Variants in ABCA13 observed in about 807,000 individuals in gnomAD.
The protein encoded by ABCA13 is ATP-binding cassette sub-family A member 13.
Under a neutral mutation model 478.7 loss-of-function variants are expected in ABCA13, and 476 were observed. That is an observed-to-expected ratio of 0.99 (90% CI 0.92 to 1.07). ABCA13 has a LOEUF of 1.07. Ranked by LOEUF, ABCA13 falls within the 50% of genes least tolerant of loss-of-function variation. The pLI, the probability that ABCA13 is intolerant of heterozygous loss-of-function variation, is 0.00. For missense variants in ABCA13, 6,060 were observed against 5,910.6 expected, an observed-to-expected ratio of 1.03 and a Z score of -0.83; for synonymous variants, 2,252 against 2,158.9, an observed-to-expected ratio of 1.04 and a Z score of -1.20.
At chr7:48,414,290 GAA>G (rs1819660657) in intron 41 of ABCA13, among the ~76,000 whole-genome samples, 1 of 152,004 alleles carries the variant, frequency 6.6e-6, no homozygotes, top group South Asian at 2.1e-4. Flanking sequence ...ACTGCACTCT[GAA>G]GCTTTTCTTC....
chr7:48,230,712 CATCT>C (rs1788928338), intron 7 of ABCA13, among the ~76,000 whole-genome samples: 1 of 151,792 alleles, frequency 6.6e-6, no homozygotes, highest in African/African-American at 2.4e-5. Flanking sequence ...TTAATCCATC[CATCT>C]ATCCATCTAT....
intron 27 of ABCA13, among the ~76,000 whole-genome samples, chr7:48,318,357 G>GT (rs968386353): frequency 1.3e-5 from 2 of 151,862 alleles, no homozygotes; most frequent in Admixed American, 6.6e-5. Context: ...GTTTTGTTTT[G>GT]TTTTTTGGAG....
intron 8 of ABCA13, 109 bp downstream of exon 8, chr7:48,234,260 A>G (rs1426151276): frequency 6.5e-7 from 1 of 1,527,028 alleles, no homozygotes; most frequent in African/African-American, 1.4e-5. Context: ...GCAGCCAGAC[A>G]GGAGAGTTCG....
At position 48,374,426 on chromosome 7, in the gene ABCA13, T is replaced by C; in HGVS notation, c.11203+10T>C. 1 of 1,604,134 alleles carries C rather than the reference T, an allele frequency of 6.2e-7. No homozygotes were observed. ...GAAGGACAAGAGACAGGTAAGAGCA[T>C]GCATGTGTAAAAAGTGACTCTCAGT... On this transcript the variant is annotated intron_variant, in intron 34 of 61. Coordinates refer to ENST00000435803, the MANE Select transcript of ABCA13 (RefSeq NM_152701.5).
intron 55 of ABCA13, 82 bp downstream of exon 55, chr7:48,528,427 G>T: frequency 3.1e-6 from 3 of 967,022 alleles, no homozygotes; most frequent in East Asian, 2.9e-5. Context: ...TCAGTCCCGT[G>T]GAATAAAATT....
intron 35 of ABCA13, among the ~76,000 whole-genome samples, chr7:48,382,031 T>G (rs963801886): frequency 3.9e-5 from 6 of 152,218 alleles, no homozygotes; most frequent in Non-Finnish European, 7.3e-5. Flanking sequence ...AGATTATGGC[T>G]GAGATGGTTT....
intron 55 of ABCA13, among the ~76,000 whole-genome samples, chr7:48,543,225 A>G (rs1009381844): frequency 4.0e-5 from 6 of 151,880 alleles, no homozygotes; most frequent in Non-Finnish European, 7.4e-5. Context: ...GTAAGTCGAA[A>G]CATTAAAATT....
At chr7:48,541,999 G>A (rs542488173) in intron 55 of ABCA13, among the ~76,000 whole-genome samples, 69 of 151,238 alleles carry the variant, frequency 4.6e-4, no homozygotes, top group African/African-American at 1.5e-3. Flanking sequence ...GTATAAATAC[G>A]TTAACATTTA....
chr7:48,179,021 T>C (rs973849115), intron 1 of ABCA13, among the ~76,000 whole-genome samples: 1 of 139,236 alleles, frequency 7.2e-6, no homozygotes, highest in Non-Finnish European at 1.6e-5. Context: ...ATAATAATAA[T>C]AAAAACAAAG....
Position 48,534,836 on chromosome 7 carries a change from G to A in ABCA13, c.14354+6491G>A, listed in dbSNP as rs186335649. Among the ~76,000 whole-genome samples, 347 of 152,224 alleles carry A rather than the reference G, an allele frequency of 2.3e-3. 2 individuals are homozygous for A. Among genetic ancestry groups the A allele is most frequent in the African/African-American group, 7.9e-3 (330 of 41,544 alleles). ...CAGTGCGTGTTGCATTTCTCTAAGT[G>A]TGCCTTGATTTCCAGAAGTTGTGAT... On this transcript the variant is annotated intron_variant, in intron 55 of 61. Transcript: ENST00000435803.
intron 55 of ABCA13, among the ~76,000 whole-genome samples, chr7:48,567,695 T>C (rs960700990): frequency 2.0e-5 from 3 of 151,986 alleles, no homozygotes; most frequent in African/African-American, 7.2e-5. Context: ...GAGAGAGACC[T>C]TTGGCAGACC....
intron 29 of ABCA13, among the ~76,000 whole-genome samples, chr7:48,349,585 C>T (rs146579735): frequency 6.6e-6 from 1 of 152,154 alleles, no homozygotes; most frequent in African/African-American, 2.4e-5. Flanking sequence ...GGGCTGGGTG[C>T]CAAGCAAGCA....
intron 3 of ABCA13, among the ~76,000 whole-genome samples, chr7:48,208,151 G>T (rs761757629): frequency 6.6e-6 from 1 of 152,000 alleles, no homozygotes; most frequent in Non-Finnish European, 1.5e-5. Flanking sequence ...ATTGGTCTAT[G>T]TGTCTGTTTT....
At position 48,279,347 on chromosome 7, in the gene ABCA13, CT is replaced by C; in HGVS notation, c.8159del (p.Leu2720TrpfsTer12). 6.3e-7 allele frequency: 1 copy of C among 1,586,256 alleles called. No individual in the cohort carries two copies. Among genetic ancestry groups the C allele is most frequent in the Non-Finnish European group, 8.6e-7 (1 of 1,163,972 alleles). Reference sequence around the variant, plus strand: ...TGGGAAATAATTCATGAAGTGATCCCTTTTTTGGATAAAATATTATCACAAA... The same window carrying C: ...TGGGAAATAATTCATGAAGTGATCCCTTTTTGGATAAAATATTATCACAAA... ...IKWEIIHEVI[P>X]FLDKILSQNS... On this transcript the variant is annotated frameshift_variant, in exon 18 of 62. Coordinates refer to ENST00000435803, the MANE Select transcript of ABCA13 (RefSeq NM_152701.5). LOFTEE classifies it high-confidence loss of function.
intron 3 of ABCA13, among the ~76,000 whole-genome samples, chr7:48,214,043 T>G (rs1229742647): frequency 2.0e-5 from 3 of 152,340 alleles, no homozygotes; most frequent in Middle Eastern, 6.8e-3. Context: ...TGAAATTCAT[T>G]TCTTAAATAA....
At chr7:48,423,068 G>C (rs146886381) in intron 41 of ABCA13, among the ~76,000 whole-genome samples, 2 of 152,322 alleles carry the variant, frequency 1.3e-5, no homozygotes, top group African/African-American at 4.8e-5. Context: ...GTGGTAATTT[G>C]TTACAGCAGT....
At chr7:48,609,028 CCTT>C (rs1323307031) in intron 58 of ABCA13, among the ~76,000 whole-genome samples, 1 of 151,980 alleles carries the variant, frequency 6.6e-6, no homozygotes, top group Admixed American at 6.6e-5. Flanking sequence ...ATTTGATAAA[CCTT>C]CTACTTTATC....
intron 59 of ABCA13, among the ~76,000 whole-genome samples, chr7:48,639,788 C>T (rs1219110372): frequency 6.6e-6 from 1 of 152,000 alleles, no homozygotes; most frequent in Non-Finnish European, 1.5e-5. Context: ...GAATTTTATG[C>T]GTTTAATTTT....
intron 20 of ABCA13, among the ~76,000 whole-genome samples, chr7:48,288,775 T>G (rs2128806161): frequency 6.6e-6 from 1 of 152,322 alleles, no homozygotes; most frequent in East Asian, 1.9e-4. Context: ...TTTATTAAAT[T>G]GGACACATGC....
Sources: gnomAD v4.1 joint callset for allele counts (sites outside exome capture counted in the v4.1 genomes callset) on GRCh38, gnomAD v4.1.1 for gene constraint, MANE v1.5 for transcripts, NCBI Gene and HGNC (gene_info 2026-07-23, HGNC 2026-07-21) for gene names.